Variants in ANO3 observed in about 807,000 individuals in gnomAD.
ANO3 encodes anoctamin-3.
Under a neutral mutation model 144.8 loss-of-function variants are expected in ANO3, and 99 were observed. That is an observed-to-expected ratio of 0.68 (90% CI 0.58 to 0.81). ANO3 has a LOEUF of 0.81. Among genes scored for constraint, ANO3 ranks in the 30% least tolerant of loss-of-function variants. The pLI, the probability that ANO3 is intolerant of heterozygous loss-of-function variation, is 0.00. For synonymous variants in ANO3, 414 were observed against 392.6 expected (o/e 1.05, Z -0.64); for missense variants, 905 against 1,202.2 (o/e 0.75, Z 3.66).
Position 26,553,261 on chromosome 11 carries a change from TA to T in ANO3, c.1305del (p.Ala436ProfsTer28). The T allele has an allele frequency of 1.3e-6, 2 of 1,588,112 alleles. No individual in the cohort carries two copies. Among genetic ancestry groups the T allele is most frequent in the Non-Finnish European group, 1.7e-6 (2 of 1,161,738 alleles). On this transcript the variant is annotated frameshift_variant, in exon 13 of 27. Transcript: ENST00000256737. LOFTEE classifies it high-confidence loss of function. ...GTTTTTTCTCAAGCCAAGAAATTTGTAAAGCCACTGAAGTCTTTATGTGCCC... is the reference window on the plus strand; with the variant it reads ...GTTTTTTCTCAAGCCAAGAAATTTGTAAGCCACTGAAGTCTTTATGTGCCC... ...NNSQVSQEIC[K>X]ATEVFMCPLC...
upstream of ANO3, chr11:26,332,114 G>C (rs1378446356): frequency 3.4e-6 from 5 of 1,482,784 alleles, no homozygotes; most frequent in Admixed American, 2.3e-5. Flanking sequence ...CAACGACACC[G>C]GCGGGCGCGT....
chr11:26,297,162 T>C lies in ANO3; in HGVS notation c.155-12483T>C, dbSNP rs1049157588. On this transcript the variant is annotated intron_variant, in intron 1 of 27. Coordinates refer to the ANO3 transcript ENST00000672621. ...TGTTCTTTCTTCTTCTGGCTGAACA[T>C]CCCAAGCTGCATCAACCATTGCGTG... Among the ~76,000 whole-genome samples, 110 of 151,792 alleles carry C rather than the reference T, an allele frequency of 7.2e-4. 2 individuals carry two copies. The highest frequency in any genetic ancestry group is 4.4e-4 in the Non-Finnish European group (30 of 67,902).
chr11:26,270,195 A>G (rs938405298), intron 1 of ANO3, among the ~76,000 whole-genome samples: 1 of 152,210 alleles, frequency 6.6e-6, no homozygotes, highest in African/African-American at 2.4e-5. Context: ...ACCCTGTTCT[A>G]GACCCTCTCC....
chr11:26,293,908 C>T (rs1854025653), intron 1 of ANO3, among the ~76,000 whole-genome samples: 1 of 152,074 alleles, frequency 6.6e-6, no homozygotes, highest in African/African-American at 2.4e-5. Flanking sequence ...TTAAGTAACA[C>T]TCAAGTGTTG....
rs1352935016 is a variant in ANO3, at chr11:26,615,414, A to ATATATATTTTTTTT, written c.1837-9047_1837-9046insATATATTTTTTTTT. ...TCAGTTTATATATATATATATATATATTTTTTTTTTTTCAGTTCCTCAATG... is the reference window on the plus strand; with the variant it reads ...TCAGTTTATATATATATATATATATATATATATTTTTTTTTTTTTTTTTTTTCAGTTCCTCAATG... On this transcript the variant is annotated intron_variant, in intron 17 of 26. Transcript: ENST00000256737. Among the ~76,000 whole-genome samples the ATATATATTTTTTTT allele has an allele frequency of 1.3e-3, 166 of 130,624 alleles. 1 individual carries two copies. The highest frequency in any genetic ancestry group is 4.7e-3 in the African/African-American group (158 of 33,522). 85.7% of individuals were successfully genotyped at this position (130,624 alleles called of 152,430 possible). A position where few individuals can be genotyped will look rare whatever the true frequency, so the allele number is the denominator to read the frequency against.
intron 1 of ANO3, among the ~76,000 whole-genome samples, chr11:26,363,752 C>A (rs925385637): frequency 2.0e-5 from 3 of 151,666 alleles, no homozygotes; most frequent in African/African-American, 7.3e-5. Flanking sequence ...TCCTACATTT[C>A]TTTTATTCAA....
intron 3 of ANO3, among the ~76,000 whole-genome samples, chr11:26,453,207 A>G (rs953228853): frequency 8.5e-5 from 13 of 152,250 alleles, no homozygotes; most frequent in African/African-American, 1.9e-4. Flanking sequence ...TCATAATGAC[A>G]GGATCAAATT....
chr11:26,571,570 T>A (rs1054753151), intron 14 of ANO3, among the ~76,000 whole-genome samples: 1 of 152,082 alleles, frequency 6.6e-6, no homozygotes, highest in Non-Finnish European at 1.5e-5. Context: ...TATTAGAAGA[T>A]TTTTTCCAAA....
At chr11:26,227,196 T>C (rs915276119) in intron 1 of ANO3, among the ~76,000 whole-genome samples, 29 of 152,188 alleles carry the variant, frequency 1.9e-4, no homozygotes, top group African/African-American at 6.8e-4. Context: ...CTTTCACCCA[T>C]GGATGATTAA....
chr11:26,269,272 C>G (rs1158860040), intron 1 of ANO3, among the ~76,000 whole-genome samples: 1 of 152,188 alleles, frequency 6.6e-6, no homozygotes, highest in East Asian at 1.9e-4. Context: ...TGGCACTCAC[C>G]TCTCAGGCAG....
intron 1 of ANO3, among the ~76,000 whole-genome samples, chr11:26,246,579 T>C (rs1386321640): frequency 3.6e-4 from 54 of 149,606 alleles, no homozygotes; most frequent in African/African-American, 1.3e-3. Flanking sequence ...TTTGAATTTT[T>C]CATAATAATT....
chr11:26,345,323 A>C (rs1014443841), intron 1 of ANO3, among the ~76,000 whole-genome samples: 5 of 152,144 alleles, frequency 3.3e-5, no homozygotes, highest in African/African-American at 1.2e-4. Flanking sequence ...GAGAGGCTGA[A>C]GCGGGCAGAT....
chr11:26,583,340 T>G (rs1851184378), intron 14 of ANO3, among the ~76,000 whole-genome samples: 1 of 152,244 alleles, frequency 6.6e-6, no homozygotes, highest in African/African-American at 2.4e-5. Flanking sequence ...CAATCTTCTT[T>G]CTTATTTAAC....
At chr11:26,564,783 A>T (rs758702521) in intron 14 of ANO3, among the ~76,000 whole-genome samples, 2 of 100,714 alleles carry the variant, frequency 2.0e-5, no homozygotes, top group Non-Finnish European at 2.0e-5. Context: ...ATATATATAT[A>T]TAAGTTCAGT....
At chr11:26,329,402 C>T (rs1854980321), upstream of ANO3, among the ~76,000 whole-genome samples, 1 of 151,776 alleles carries the variant, frequency 6.6e-6, no homozygotes, top group East Asian at 1.9e-4. Context: ...CTTCAAATTT[C>T]CTCGGCCCCT....
At chr11:26,546,693 A>C (rs765757432) in intron 11 of ANO3, among the ~76,000 whole-genome samples, 5 of 152,004 alleles carry the variant, frequency 3.3e-5, no homozygotes, top group Non-Finnish European at 4.4e-5. Context: ...TGCCATTTCA[A>C]TTTAAATGAT....
At chr11:26,313,466 C>A (rs1376264580) in intron 1 of ANO3, among the ~76,000 whole-genome samples, 2 of 152,120 alleles carry the variant, frequency 1.3e-5, no homozygotes, top group East Asian at 3.9e-4. Context: ...GCAGGTGGAT[C>A]ATGAGGTCAA....
rs117476928 is a variant in ANO3 at position 26,471,223 on chromosome 11, G to A, written c.432+8075G>A. Reference sequence around the variant, plus strand: ...GGTGTGTCTCTTTAACTGTAGACTCGGCTTTTCTGTGTCCAGTTCAATCTC... The same window carrying A: ...GGTGTGTCTCTTTAACTGTAGACTCAGCTTTTCTGTGTCCAGTTCAATCTC... On this transcript the variant is annotated intron_variant, in intron 4 of 26. Transcript: ENST00000256737. 7.4e-3 allele frequency among the ~76,000 whole-genome samples: 1,119 copies of A among 151,906 alleles called. 5 individuals carry two copies. The highest frequency in any genetic ancestry group is 0.013 in the Non-Finnish European group (854 of 67,890).
At chr11:26,191,137 G>A (rs550783637) in intron 1 of ANO3, among the ~76,000 whole-genome samples, 3 of 152,104 alleles carry the variant, frequency 2.0e-5, no homozygotes, top group East Asian at 1.9e-4. Context: ...TTAGCCAGGC[G>A]TGGTGGCACA....
Sources: gnomAD v4.1 joint callset for allele counts (sites outside exome capture counted in the v4.1 genomes callset) on GRCh38, gnomAD v4.1.1 for gene constraint, MANE v1.5 for transcripts, NCBI Gene and HGNC (gene_info 2026-07-23, HGNC 2026-07-21) for gene names.